Variants in MCF2L observed in about 807,000 individuals in gnomAD.
MCF2L encodes the protein guanine nucleotide exchange factor DBS.
Under a neutral mutation model 153.4 loss-of-function variants are expected in MCF2L, and 97 were observed. That is an observed-to-expected ratio of 0.63 (90% CI 0.54 to 0.75). The LOEUF is 0.75. Ranked by LOEUF, MCF2L falls within the 30% of genes least tolerant of loss-of-function variation. The probability of loss-of-function intolerance (pLI) is 0.00; values close to 1 mark genes in which losing one functional copy is unlikely to be tolerated. For synonymous variants in MCF2L, 659 were observed against 632.2 expected, an observed-to-expected ratio of 1.04 and a Z score of -0.64; for missense variants, 1,347 against 1,495.2, an observed-to-expected ratio of 0.90 and a Z score of 1.64.
Position 112,904,372 on chromosome 13 carries a change from G to A in MCF2L, c.169+2001G>A, listed in dbSNP as rs2081150805. Among the ~76,000 whole-genome samples the A allele has an allele frequency of 6.6e-6, 1 of 152,130 alleles. No homozygotes were observed. Among genetic ancestry groups the A allele is most frequent in the African/African-American group, 2.4e-5 (1 of 41,430 alleles). ...GAGCCTGGGCCCACGCTCTGGCTTT[G>A]TTCCTGCCCCTGCTGACCCCACAAG... On this transcript the variant is annotated intron_variant, in intron 2 of 29. Coordinates refer to the MCF2L transcript ENST00000375608. The surrounding 1 kb of genome is among the most constrained non-coding windows in gnomAD (Gnocchi z 4.2).
intron 25 of MCF2L, among the ~76,000 whole-genome samples, chr13:113,089,025 G>C (rs1453231829): frequency 6.6e-6 from 1 of 152,126 alleles, no homozygotes; most frequent in Admixed American, 6.5e-5. Context: ...TTCTGCCCTT[G>C]TTTTTTCTTT....
chr13:113,089,384 C>T (rs523411), intron 25 of MCF2L, among the ~76,000 whole-genome samples: 3,419 of 53,770 alleles, frequency 0.064, 141 homozygotes, highest in Admixed American at 0.11. Flanking sequence ...TCTCATCCAG[C>T]CCGTCCGGGT....
At chr13:113,012,351 G>A (rs1439027235) in intron 1 of MCF2L, among the ~76,000 whole-genome samples, 1 of 108,012 alleles carries the variant, frequency 9.3e-6, no homozygotes. Context: ...AGTGTGGACG[G>A]TGGACACTGT....
rs749543977 is a variant in MCF2L at position 113,064,262 on chromosome 13, C to T, written c.490-42C>T. On this transcript the variant is annotated intron_variant, in intron 5 of 29. Transcript: ENST00000535094. The surrounding 1 kb of genome is among the most constrained non-coding windows in gnomAD (Gnocchi z 6.0). The stretch of plus-strand genomic sequence containing the variant: ...ATGGGGCAGCTCTTTTGGGAGCCAA[C>T]AATAATCCCAAACACTACCACGCAT... The T allele has an allele frequency of 1.4e-6, 2 of 1,439,280 alleles. No homozygotes were observed. Among genetic ancestry groups the T allele is most frequent in the Admixed American group, 1.7e-5 (1 of 59,796 alleles). 89.2% of individuals were successfully genotyped at this position (1,439,280 alleles called of 1,614,324 possible). A position where few individuals can be genotyped will look rare whatever the true frequency, so the allele number is the denominator to read the frequency against.
chr13:112,998,266 C>T (rs535497404), intron 1 of MCF2L, among the ~76,000 whole-genome samples: 98 of 152,298 alleles, frequency 6.4e-4, no homozygotes, highest in African/African-American at 2.2e-3. Context: ...AGAACTTAAA[C>T]GTGTGAAAAA....
chr13:112,966,027 CCT>C (rs987448900), upstream of MCF2L: 3 of 152,242 alleles, frequency 2.0e-5, no homozygotes, highest in African/African-American at 7.2e-5. The surrounding 1 kb of genome is among the most constrained non-coding windows in gnomAD (Gnocchi z 4.1). Context: ...AGTCGCTGAA[CCT>C]CTCTGCATAT....
intron 2 of MCF2L, among the ~76,000 whole-genome samples, chr13:112,925,457 C>T (rs56966404): frequency 0.18 from 26,756 of 152,108 alleles, 2,608 homozygotes; most frequent in African/African-American, 0.24. Context: ...AGGAGCCCCA[C>T]GCTGGACACC....
chr13:112,969,514 G>C lies in MCF2L; in HGVS notation c.79+56G>C. 6.5e-7 allele frequency: 1 copy of C among 1,544,956 alleles called. No individual in the cohort carries two copies. Among genetic ancestry groups the C allele is most frequent in the South Asian group, 1.2e-5 (1 of 83,876 alleles). On this transcript the variant is annotated intron_variant, in intron 1 of 29. Transcript: ENST00000535094. This position sits in a 1 kb window ranked among gnomAD's most constrained non-coding sequence, Gnocchi z 4.8. The stretch of plus-strand genomic sequence containing the variant: ...GTGCTTAAGCTTGACATCATGGGCT[G>C]AAATGTGGGGAAATGCGTCTGATTT...
At chr13:113,019,592 G>A (rs919901965) in intron 2 of MCF2L, among the ~76,000 whole-genome samples, 6 of 152,218 alleles carry the variant, frequency 3.9e-5, no homozygotes, top group East Asian at 1.9e-4. Flanking sequence ...AGAGTCGCAC[G>A]TGCTCCTTTC....
At position 113,077,053 on chromosome 13, in the gene MCF2L, A is replaced by G. The variant is rs1376284376; in HGVS notation, c.1502A>G (p.Glu501Gly). 1 of 1,610,282 alleles carries G rather than the reference A, an allele frequency of 6.2e-7. No individual in the cohort carries two copies. The highest frequency in any genetic ancestry group is 1.1e-5 in the South Asian group (1 of 90,652). The change falls in exon 13 of 30, where the codon GAG (glutamate) becomes GGG (glycine). Residue 501 changes from glutamate to glycine, a missense_variant and splice_region_variant. Transcript: ENST00000535094. ...YESILNQDLMEHVRKVFQKQA... is the reference protein window; with the variant it reads ...YESILNQDLMGHVRKVFQKQA... Reference sequence around the variant, plus strand: ...ACCTTACTGAGCATGCGGTTTCAGGAGCACGTGCGAAAGGTCTTCCAGAAG... The same window carrying G: ...ACCTTACTGAGCATGCGGTTTCAGGGGCACGTGCGAAAGGTCTTCCAGAAG...
rs916806358 is a variant in MCF2L at position 112,932,105 on chromosome 13, G to A, written c.169+29734G>A. Among the ~76,000 whole-genome samples the A allele has an allele frequency of 5.9e-5, 9 of 152,072 alleles. No individual in the cohort carries two copies. Among genetic ancestry groups the A allele is most frequent in the African/African-American group, 1.7e-4 (7 of 41,352 alleles). On this transcript the variant is annotated intron_variant, in intron 2 of 29. Coordinates refer to the MCF2L transcript ENST00000375608. This position sits in a 1 kb window ranked among gnomAD's most constrained non-coding sequence, Gnocchi z 4.6. Reference sequence around the variant, plus strand: ...GGGATGTGCGCAGCTATGTGGTTCCGAAGAGTTCAAGACGAAAAGAGGGAG... The same window carrying A: ...GGGATGTGCGCAGCTATGTGGTTCCAAAGAGTTCAAGACGAAAAGAGGGAG...
chr13:113,076,294 C>A (rs937790361), intron 12 of MCF2L, 137 bp downstream of exon 12: 8 of 608,316 alleles, frequency 1.3e-5, no homozygotes, highest in Non-Finnish European at 2.0e-5. Flanking sequence ...GATGGAATCT[C>A]GCTCTTGTCG....
chr13:113,065,233 G>C, intron 7 of MCF2L, 148 bp downstream of exon 7: 1 of 898,948 alleles, frequency 1.1e-6, no homozygotes, highest in Non-Finnish European at 1.7e-6. Context: ...CAGCAGGCTT[G>C]AGATGCCTTT....
chr13:113,021,705 T>C (rs2084895568), intron 2 of MCF2L, among the ~76,000 whole-genome samples: 1 of 152,230 alleles, frequency 6.6e-6, no homozygotes, highest in South Asian at 2.1e-4. Flanking sequence ...AGAGAGGGGC[T>C]GTGCCCCCAG....
At chr13:113,078,803 C>T (rs371127427) in intron 15 of MCF2L, 64 bp downstream of exon 15, 11 of 1,408,820 alleles carry the variant, frequency 7.8e-6, no homozygotes, top group African/African-American at 5.6e-5. Context: ...CACCAGATGC[C>T]GTCAGGCACT....
intron 3 of MCF2L, among the ~76,000 whole-genome samples, chr13:113,029,696 C>A (rs538206676): frequency 6.6e-6 from 1 of 152,202 alleles, no homozygotes; most frequent in African/African-American, 2.4e-5. Context: ...CATTGCGGCT[C>A]GGTCCCGGGA....
At position 113,082,537 on chromosome 13, in the gene MCF2L, C is replaced by A; in HGVS notation, c.1986C>A (p.His662Gln). Residue 662 changes from histidine (H) to glutamine (Q), a missense_variant, in exon 17 of 30, where the codon CAC (histidine) becomes CAA (glutamine). Physicochemically the swap from His to Gln is conservative, Grantham distance 24. Transcript: ENST00000535094. Reference sequence around the variant, plus strand: ...ACATGGAGGAAATCTATCACTTCCACAACAGGTGGGCCCTTCCCCCCGACA... The same window carrying A: ...ACATGGAGGAAATCTATCACTTCCAAAACAGGTGGGCCCTTCCCCCCGACA... The part of the protein sequence containing the change: ...FGNMEEIYHF[H>Q]NRIFLRELEN... The A allele has an allele frequency of 6.2e-7, 1 of 1,607,442 alleles. No homozygotes were observed. Among genetic ancestry groups the A allele is most frequent in the African/African-American group, 1.3e-5 (1 of 74,920 alleles).
In MCF2L at chr13:113,012,427, TGGACGGTGGACACTGCAGTGC is replaced by T. The variant is rs1396299320; in HGVS notation, c.80-2332_80-2312del. ...TGATGCGGACGGTGGACAGGCAGTG[TGGACGGTGGACACTGCAGTGC>T]GGATGGTGGACAGGTGGTGTGGATG... is the stretch of plus-strand genomic sequence containing the variant. On this transcript the variant is annotated intron_variant, in intron 1 of 29. Transcript: ENST00000535094. Among the ~76,000 whole-genome samples, 2 of 108,346 alleles carry T rather than the reference TGGACGGTGGACACTGCAGTGC, an allele frequency of 1.8e-5. 1 individual carries two copies. The highest frequency in any genetic ancestry group is 4.0e-5 in the Non-Finnish European group (2 of 50,238). The allele number at this position is 108,346 out of a possible 152,430, so 71.1% of individuals were successfully genotyped here.
chr13:112,939,968 C>CA (rs34815677), intron 2 of MCF2L, among the ~76,000 whole-genome samples: 27,945 of 131,610 alleles, frequency 0.21, 2,680 homozygotes, highest in Admixed American at 0.26. Flanking sequence ...GACTCCATCT[C>CA]AAAAAAAAAA....
Sources: gnomAD v4.1 joint callset for allele counts (sites outside exome capture counted in the v4.1 genomes callset) on GRCh38, gnomAD v4.1.1 for gene constraint, Gnocchi (gnomAD v3.1) non-coding constraint, MANE v1.5 for transcripts, NCBI Gene and HGNC (gene_info 2026-07-23, HGNC 2026-07-21) for gene names.